The following UBASH3A variants were observed in gnomAD, a reference collection of about 807,000 sequenced individuals.
The protein encoded by UBASH3A is ubiquitin associated and SH3 domain containing A, also known as ubiquitin-associated and SH3 domain-containing protein A.
UBASH3A carries 63 observed loss-of-function variants against 73.5 expected under a neutral mutation model. The ratio of observed to expected loss-of-function variants is 0.86; its 90% CI spans 0.70 to 1.06. The LOEUF is 1.06. Among genes scored for constraint, UBASH3A ranks in the 50% least tolerant of loss-of-function variants. UBASH3A has a pLI of 0.00. For missense variants in UBASH3A, 860 were observed against 859.0 expected, an observed-to-expected ratio of 1.00 and a Z score of -0.02; for synonymous variants, 363 against 351.1, an observed-to-expected ratio of 1.03 and a Z score of -0.38.
intron 11 of UBASH3A, among the ~76,000 whole-genome samples, chr21:42,439,027 A>G (rs1007090061): frequency 1.5e-4 from 23 of 152,110 alleles, no homozygotes; most frequent in African/African-American, 5.6e-4. Context: ...ACACATGTGC[A>G]TTGCCGGTTC....
chr21:42,438,224 C>T (rs984338221), intron 11 of UBASH3A, among the ~76,000 whole-genome samples: 1 of 152,122 alleles, frequency 6.6e-6, no homozygotes, highest in African/African-American at 2.4e-5. Context: ...GAGAGCATGT[C>T]GCCTCCATGG....
intron 1 of UBASH3A, 182 bp downstream of exon 1, chr21:42,404,240 T>C: frequency 5.2e-6 from 2 of 385,436 alleles, no homozygotes; most frequent in Non-Finnish European, 9.2e-6. Flanking sequence ...TGAGGTGATC[T>C]TGACCAAGCT....
At chr21:42,410,081 G>C (rs775790688) in intron 3 of UBASH3A, 1 of 702,198 alleles carries the variant, frequency 1.4e-6, no homozygotes, top group South Asian at 1.5e-5. Context: ...GTGATTGTTG[G>C]CTACCCACAA....
intron 14 of UBASH3A, 108 bp downstream of exon 14, chr21:42,444,751 G>A (rs1166745558): frequency 4.3e-6 from 4 of 932,818 alleles, no homozygotes; most frequent in Middle Eastern, 2.1e-4. Flanking sequence ...CTGACCCAGG[G>A]CCACCAGGAT....
chr21:42,409,811 C>G (rs1038429425), intron 3 of UBASH3A, among the ~76,000 whole-genome samples: 18 of 152,168 alleles, frequency 1.2e-4, no homozygotes, highest in African/African-American at 4.3e-4. Context: ...CAGAACCCAA[C>G]TCATTTATCC....
At chr21:42,428,060 G>A (rs922638015) in intron 8 of UBASH3A, among the ~76,000 whole-genome samples, 22 of 152,184 alleles carry the variant, frequency 1.4e-4, no homozygotes, top group Non-Finnish European at 2.9e-4. Context: ...AAGAAGAGGG[G>A]ATGAGGAAAC....
chr21:42,441,454 G>A (rs973480617), intron 11 of UBASH3A, among the ~76,000 whole-genome samples: 7 of 145,160 alleles, frequency 4.8e-5, no homozygotes, highest in Non-Finnish European at 1.1e-4. Context: ...CCCAGTTGAT[G>A]GGGGAGGACT....
intron 11 of UBASH3A, among the ~76,000 whole-genome samples, chr21:42,439,916 CACACACACCACACACAT>C (rs1371148382): frequency 1.4e-4 from 20 of 144,712 alleles, no homozygotes; most frequent in African/African-American, 5.1e-4. Context: ...CCACACACCT[CACACACACCACACACAT>C]ACACACACCA....
intron 13 of UBASH3A, 72 bp downstream of exon 13, chr21:42,443,490 C>A: frequency 7.4e-7 from 1 of 1,352,360 alleles, no homozygotes; most frequent in Non-Finnish European, 1.0e-6. Flanking sequence ...TGGAAATTGG[C>A]CAATTTTCTG....
rs1333866231 is a variant in UBASH3A, at chr21:42,408,890, A to ATATAAAAT, written c.168-532_168-531insTATAAAAT. 2.7e-3 allele frequency among the ~76,000 whole-genome samples: 243 copies of ATATAAAAT among 88,826 alleles called. 2 individuals are homozygous for ATATAAAAT. Among genetic ancestry groups the ATATAAAAT allele is most frequent in the East Asian group, 0.018 (53 of 2,900 alleles). The allele number at this position is 88,826 out of a possible 152,430, so 58.3% of individuals were successfully genotyped here. A position where few individuals can be genotyped will look rare whatever the true frequency, so the allele number is the denominator to read the frequency against. On this transcript the variant is annotated intron_variant, in intron 2 of 14. Transcript: ENST00000319294. ...AGAGAAAGACTCCATCTCAAAAATA[A>ATATAAAAT]AATAAAATAAAATAAAATAAAATAA...
chr21:42,421,306 A>G (rs2053333867), intron 7 of UBASH3A, among the ~76,000 whole-genome samples: 1 of 152,252 alleles, frequency 6.6e-6, no homozygotes, highest in Admixed American at 6.5e-5. Flanking sequence ...AGAAATACAC[A>G]GAAAAACCCT....
chr21:42,409,209 A>C (rs1488807686), intron 2 of UBASH3A, among the ~76,000 whole-genome samples: 2 of 152,218 alleles, frequency 1.3e-5, no homozygotes, highest in African/African-American at 4.8e-5. Flanking sequence ...AGCAGGACTT[A>C]CACTGACCAG....
rs189695735 is a variant in UBASH3A, at chr21:42,431,108, G to A, written c.1171-995G>A. 1.5e-4 allele frequency among the ~76,000 whole-genome samples: 23 copies of A among 152,320 alleles called. No homozygotes were observed. In the East Asian group the frequency reaches 3.1e-3, roughly 20 times the overall value. On this transcript the variant is annotated intron_variant, in intron 8 of 14. Transcript: ENST00000319294. ...CTAGCACTCTGCTCTCTGGTCCCAG[G>A]GGGGGCATCCTCAGCTCTCATTCAC...
chr21:42,419,048 G>C (rs888247043), intron 7 of UBASH3A, among the ~76,000 whole-genome samples: 7 of 152,192 alleles, frequency 4.6e-5, no homozygotes, highest in Admixed American at 4.6e-4. Flanking sequence ...TATGGGTTGA[G>C]AGTCAGAGTC....
chr21:42,418,334 C>T, intron 6 of UBASH3A, 67 bp from the exon 7 acceptor site: 2 of 1,451,434 alleles, frequency 1.4e-6, no homozygotes, highest in Admixed American at 1.7e-5. Flanking sequence ...TGATAGGCCT[C>T]CTATTGCTGC....
At chr21:42,439,738 C>CCCACACACA (rs1372465734) in intron 11 of UBASH3A, among the ~76,000 whole-genome samples, 1 of 142,942 alleles carries the variant, frequency 7.0e-6, no homozygotes, top group African/African-American at 2.6e-5. Context: ...ACCACACACA[C>CCCACACACA]CCACACACAC....
intron 9 of UBASH3A, among the ~76,000 whole-genome samples, chr21:42,432,548 A>T (rs181355707): frequency 6.6e-6 from 1 of 152,232 alleles, no homozygotes. Flanking sequence ...ATAAATACAC[A>T]TACCCACAAG....
intron 7 of UBASH3A, among the ~76,000 whole-genome samples, chr21:42,420,542 C>A (rs1399378360): frequency 6.6e-6 from 1 of 152,030 alleles, no homozygotes; most frequent in African/African-American, 2.4e-5. Context: ...TATATGTATA[C>A]ACACATCTAT....
At chr21:42,416,204 C>G (rs1238166678) in intron 5 of UBASH3A, among the ~76,000 whole-genome samples, 4 of 152,100 alleles carry the variant, frequency 2.6e-5, no homozygotes, top group Non-Finnish European at 5.9e-5. Context: ...GGGCAGCTAG[C>G]CTGCAAACCG....
Sources: allele counts gnomAD v4.1 joint callset (sites outside exome capture counted in the v4.1 genomes callset), GRCh38; gene constraint gnomAD v4.1.1; transcripts MANE v1.5; gene names NCBI Gene and HGNC (gene_info 2026-07-23, HGNC 2026-07-21).